The following SPIRE1 variants were observed in gnomAD, a reference collection of about 807,000 sequenced individuals.
SPIRE1 encodes the protein protein spire homolog 1.
A neutral mutation model predicts 94.1 loss-of-function variants in SPIRE1; 40 were observed. The ratio of observed to expected loss-of-function variants is 0.43; its 90% CI spans 0.33 to 0.55. The LOEUF is 0.55. Among genes scored for constraint, SPIRE1 ranks in the 20% least tolerant of loss-of-function variants. The pLI is 0.06. For missense variants in SPIRE1, 838 were observed against 975.2 expected, an observed-to-expected ratio of 0.86 and a Z score of 1.87; for synonymous variants, 376 against 371.7, an observed-to-expected ratio of 1.01 and a Z score of -0.13.
intron 2 of SPIRE1, among the ~76,000 whole-genome samples, chr18:12,560,320 T>A (rs981086133): frequency 6.6e-6 from 1 of 152,172 alleles, no homozygotes; most frequent in African/African-American, 2.4e-5. Flanking sequence ...ATAGCTAAGA[T>A]TTGGAAACAA....
At chr18:12,642,267 A>C (rs1410204910) in intron 1 of SPIRE1, among the ~76,000 whole-genome samples, 1 of 152,174 alleles carries the variant, frequency 6.6e-6, no homozygotes, top group Non-Finnish European at 1.5e-5. Context: ...CTCTGCCCCA[A>C]GCCAGGCTCT....
intron 2 of SPIRE1, among the ~76,000 whole-genome samples, chr18:12,570,725 C>A (rs1452328106): frequency 6.6e-6 from 1 of 152,146 alleles, no homozygotes. Flanking sequence ...TCCCACAGAG[C>A]CGCACACCTG....
intron 4 of SPIRE1, among the ~76,000 whole-genome samples, chr18:12,516,647 T>C (rs774452895): frequency 6.6e-6 from 1 of 152,224 alleles, no homozygotes; most frequent in African/African-American, 2.4e-5. Context: ...AAGTTACGAT[T>C]TAATATGTCC....
Position 12,576,618 on chromosome 18 carries a change from A to G in SPIRE1, c.373-29714T>C, listed in dbSNP as rs562395441. ...AAAAAAAAAAAAAAAGACGGGGCACAGTGGCTCACGCCTGTAATCCCAGCA... is the reference window on the plus strand; with the variant it reads ...AAAAAAAAAAAAAAAGACGGGGCACGGTGGCTCACGCCTGTAATCCCAGCA... On this transcript the variant is annotated intron_variant, in intron 2 of 16. Transcript: ENST00000409402. Among the ~76,000 whole-genome samples, 12 of 146,998 alleles carry G rather than the reference A, an allele frequency of 8.2e-5. No homozygotes were observed. The South Asian group carries it at 1.5e-3, about 19-fold the overall frequency.
intron 1 of SPIRE1, among the ~76,000 whole-genome samples, chr18:12,637,875 T>C (rs1340220945): frequency 6.6e-5 from 10 of 152,198 alleles, no homozygotes; most frequent in African/African-American, 2.4e-4. Flanking sequence ...TAAAATAAGA[T>C]TTTTTTCAAT....
Position 12,657,792 on chromosome 18 carries a change from C to A in SPIRE1, c.75G>T (p.Glu25Asp). The change falls in exon 1 of 17, where the codon GAG becomes GAT. Residue 25 changes from glutamate (E) to aspartate (D), a missense_variant. Physicochemically the swap from Glu to Asp is conservative, Grantham distance 45. Transcript: ENST00000409402. ...TEAVGGEGPR[E>D]PGAAGGAAGG... ...CGGCCGCGCCGCCGGCTGCCCCGGG[C>A]TCCCGCGGCCCCTCGCCGCCCACTG... 7.8e-7 allele frequency: 1 copy of A among 1,282,872 alleles called. No homozygotes were observed. The highest frequency in any genetic ancestry group is 3.1e-4 in the Middle Eastern group (1 of 3,278). 79.5% of individuals were successfully genotyped at this position (1,282,872 alleles called of 1,614,324 possible).
intron 5 of SPIRE1, among the ~76,000 whole-genome samples, chr18:12,507,642 T>C (rs2033881274): frequency 6.6e-6 from 1 of 151,752 alleles, no homozygotes; most frequent in Non-Finnish European, 1.5e-5. Context: ...GAGGTTGCAG[T>C]GAGCCCAGAT....
chr18:12,583,634 TA>T (rs1358827543), intron 2 of SPIRE1, among the ~76,000 whole-genome samples: 1 of 148,670 alleles, frequency 6.7e-6, no homozygotes, highest in Non-Finnish European at 1.5e-5. Context: ...AAATTAAAAA[TA>T]AAAAAAGGCC....
At chr18:12,619,983 T>C (rs146820151) in intron 2 of SPIRE1, among the ~76,000 whole-genome samples, 2 of 151,774 alleles carry the variant, frequency 1.3e-5, no homozygotes, top group Admixed American at 6.6e-5. Context: ...TTAAAATTAA[T>C]AAATGAATTC....
rs550807796 is a variant in SPIRE1 at position 12,606,248 on chromosome 18, CA to C, written c.372+28813del. ...TAAGTACTAGAATGTACAGTCTATG[CA>C]AGCAGAGGTTTTGTCACTTTTGTTT... On this transcript the variant is annotated intron_variant, in intron 2 of 16. Coordinates refer to ENST00000409402, the MANE Select transcript of SPIRE1 (RefSeq NM_001128626.2). Among the ~76,000 whole-genome samples, 10 of 152,094 alleles carry C rather than the reference CA, an allele frequency of 6.6e-5. No homozygotes were observed. In the South Asian group the frequency reaches 2.1e-3, roughly 31 times the overall value.
chr18:12,472,367 CTT>C (rs964687204), intron 10 of SPIRE1, among the ~76,000 whole-genome samples: 46 of 134,926 alleles, frequency 3.4e-4, no homozygotes, highest in Admixed American at 5.3e-4. Flanking sequence ...ATGCCCTGTG[CTT>C]TTTTTTTTTT....
At chr18:12,656,982 C>A (rs867961601) in intron 1 of SPIRE1, among the ~76,000 whole-genome samples, 1 of 152,256 alleles carries the variant, frequency 6.6e-6, no homozygotes, top group African/African-American at 2.4e-5. Flanking sequence ...TCTCACGGTT[C>A]AGAATCATCT....
intron 6 of SPIRE1, among the ~76,000 whole-genome samples, chr18:12,504,835 G>A (rs564700765): frequency 1.9e-4 from 29 of 152,306 alleles, no homozygotes; most frequent in African/African-American, 6.7e-4. Context: ...GGCCTGAAAA[G>A]TAAAGAGGCA....
chr18:12,506,284 A>C (rs987291698), intron 6 of SPIRE1, among the ~76,000 whole-genome samples, 193 bp downstream of exon 6: 2 of 151,984 alleles, frequency 1.3e-5, no homozygotes, highest in African/African-American at 4.8e-5. Flanking sequence ...CAGCCTCCCG[A>C]GCAGCTGGAA....
Position 12,506,488 on chromosome 18 carries a change from G to C in SPIRE1, c.961C>G (p.Arg321Gly), listed in dbSNP as rs1190410060. Reference sequence around the variant, plus strand: ...GCTTGGTTACTTACCATCACTTTTCGCAAGGTGTATCTTTTGCAGCGAATG... The same window carrying C: ...GCTTGGTTACTTACCATCACTTTTCCCAAGGTGTATCTTTTGCAGCGAATG... ...DDIRCKRYTL[R>G]KVMVNGDIPP... Residue 321 changes from arginine (R) to glycine (G), a missense_variant, in exon 6 of 17, where the codon CGA (arginine) becomes GGA (glycine). Physicochemically the swap from Arg to Gly is moderately radical, Grantham distance 125 (BLOSUM62 -2). Coordinates refer to ENST00000409402, the MANE Select transcript of SPIRE1 (RefSeq NM_001128626.2). The C allele has an allele frequency of 6.2e-7, 1 of 1,613,806 alleles. No homozygotes were observed. Among genetic ancestry groups the C allele is most frequent in the East Asian group, 2.2e-5 (1 of 44,872 alleles).
intron 10 of SPIRE1, among the ~76,000 whole-genome samples, chr18:12,471,231 G>A (rs367770205): frequency 3.3e-5 from 5 of 152,046 alleles, no homozygotes; most frequent in African/African-American, 1.2e-4. Flanking sequence ...GGGTGTGGGG[G>A]TCTAATTTTA....
chr18:12,662,060 T>C (rs1287660478), upstream of SPIRE1: 1 of 368,384 alleles, frequency 2.7e-6, no homozygotes, highest in Non-Finnish European at 5.4e-6. Flanking sequence ...TGCTTCATAC[T>C]CTGGAGGTAC....
intron 1 of SPIRE1, among the ~76,000 whole-genome samples, chr18:12,654,285 C>G (rs1330946240): frequency 1.4e-5 from 2 of 143,356 alleles, no homozygotes; most frequent in Non-Finnish European, 3.0e-5. Context: ...TGCAGTCAGC[C>G]GAGACTGCAC....
intron 2 of SPIRE1, among the ~76,000 whole-genome samples, chr18:12,618,343 G>A (rs572918185): frequency 5.9e-5 from 9 of 151,652 alleles, no homozygotes; most frequent in South Asian, 4.2e-4. Flanking sequence ...CTTGTTATCC[G>A]CCCGCCTCGG....
Sources: gnomAD v4.1 joint callset for allele counts (sites outside exome capture counted in the v4.1 genomes callset) on GRCh38, gnomAD v4.1.1 for gene constraint, MANE v1.5 for transcripts, NCBI Gene and HGNC (gene_info 2026-07-23, HGNC 2026-07-21) for gene names.